CFAP47: variants seen among roughly 807,000 people sequenced by gnomAD.
CFAP47 encodes the protein cilia and flagella associated protein 47, also known as cilia- and flagella-associated protein 47.
A neutral mutation model predicts 148.1 loss-of-function variants in CFAP47; 29 were observed. The observed-to-expected ratio is 0.20, with a 90% CI of 0.15 to 0.27. CFAP47 has a LOEUF of 0.27. CFAP47 is among the 10% of genes least tolerant of loss of function. The pLI, the probability that CFAP47 is intolerant of heterozygous loss-of-function variation, is 1.00. For missense variants in CFAP47, 1,872 were observed against 1,697.5 expected (o/e 1.10, Z -1.81); for synonymous variants, 664 against 577.3 (o/e 1.15, Z -2.15).
chrX:36,235,859 T>C, intron 46 of CFAP47, 75 bp from the exon 47 acceptor site: 1 of 402,752 alleles, frequency 2.5e-6, no homozygotes, highest in Non-Finnish European at 4.4e-6. Context: ...CTATAGAAAT[T>C]ACCAAGAATT....
intron 2 of CFAP47, among the ~76,000 whole-genome samples, chrX:35,932,417 G>A (rs1420779946): frequency 9.4e-6 from 1 of 106,249 alleles, no homozygotes; most frequent in Non-Finnish European, 1.9e-5. Context: ...CCGCCACCAC[G>A]CACTTTTAAT....
chrX:36,323,802 T>C (rs782022681), intron 57 of CFAP47, among the ~76,000 whole-genome samples: 1 of 111,865 alleles, frequency 8.9e-6, no homozygotes, highest in South Asian at 3.7e-4. Flanking sequence ...GATCTAGATG[T>C]AGTTATATGT....
intron 24 of CFAP47, among the ~76,000 whole-genome samples, chrX:36,037,951 T>C (rs1937358105): frequency 8.9e-6 from 1 of 111,735 alleles, no homozygotes; most frequent in Admixed American, 9.5e-5. Context: ...AGTACTCATT[T>C]GTCATTATTA....
intron 42 of CFAP47, among the ~76,000 whole-genome samples, chrX:36,192,482 T>G (rs782731431): frequency 8.9e-6 from 1 of 111,874 alleles, no homozygotes; most frequent in South Asian, 3.8e-4. Flanking sequence ...GTCTGTAGTG[T>G]CTAGCATGTG....
intron 62 of CFAP47, among the ~76,000 whole-genome samples, chrX:36,368,746 A>G (rs1348389919): frequency 9.0e-6 from 1 of 111,729 alleles, no homozygotes; most frequent in Non-Finnish European, 1.9e-5. Context: ...GAGATAAAAT[A>G]TAACCCATAA....
intron 26 of CFAP47, among the ~76,000 whole-genome samples, chrX:36,055,493 ACATGATCTCCTTCCTTTTTG>A (rs980305948): frequency 1.8e-5 from 2 of 111,868 alleles, no homozygotes; most frequent in African/African-American, 6.5e-5. Flanking sequence ...CCTGCAAAGG[ACATGATCTCCTTCCTTTTTG>A]TGGCTGCATA....
intron 39 of CFAP47, among the ~76,000 whole-genome samples, chrX:36,175,809 G>T (rs1036755089): frequency 1.8e-4 from 17 of 92,890 alleles, no homozygotes; most frequent in Admixed American, 4.7e-4. Flanking sequence ...AGGCCTCCTT[G>T]AGCTGTGGTG....
chrX:36,336,983 TTC>T (rs1941611594), intron 57 of CFAP47, among the ~76,000 whole-genome samples: 1 of 112,031 alleles, frequency 8.9e-6, no homozygotes, highest in Non-Finnish European at 1.9e-5. Context: ...AAAATAAACC[TTC>T]TTCCCTATTA....
intron 63 of CFAP47, among the ~76,000 whole-genome samples, chrX:36,384,454 C>G (rs1942108867): frequency 8.9e-6 from 1 of 112,362 alleles, no homozygotes; most frequent in Non-Finnish European, 1.9e-5. Context: ...CACTTAAATT[C>G]TCATGAATGT....
chrX:36,189,205 T>C (rs1555986129), intron 41 of CFAP47, among the ~76,000 whole-genome samples: 1 of 111,304 alleles, frequency 9.0e-6, no homozygotes, highest in Non-Finnish European at 1.9e-5. Context: ...ATAATGGTTA[T>C]CTCTCATACA....
intron 49 of CFAP47, among the ~76,000 whole-genome samples, chrX:36,276,974 T>G (rs1941025006): frequency 9.0e-6 from 1 of 111,452 alleles, no homozygotes; most frequent in Non-Finnish European, 1.9e-5. Context: ...GGAGGAGAAA[T>G]CTTCTAGCAG....
intron 33 of CFAP47, among the ~76,000 whole-genome samples, chrX:36,121,145 T>G: frequency 8.9e-6 from 1 of 111,803 alleles, no homozygotes; most frequent in East Asian, 2.8e-4. Flanking sequence ...GTTTTTGTCT[T>G]GAAATCTATT....
chrX:36,140,709 A>T (rs1315283636), intron 35 of CFAP47, among the ~76,000 whole-genome samples: 1 of 111,970 alleles, frequency 8.9e-6, no homozygotes, highest in Non-Finnish European at 1.9e-5. Context: ...AAATTCAGCA[A>T]TGGACTTAAT....
chrX:36,182,544 CT>C (rs1391462561), intron 40 of CFAP47, among the ~76,000 whole-genome samples: 1 of 111,559 alleles, frequency 9.0e-6, no homozygotes, highest in Non-Finnish European at 1.9e-5. Flanking sequence ...CTTTTAAAAG[CT>C]TTTTATTGTT....
intron 30 of CFAP47, among the ~76,000 whole-genome samples, chrX:36,091,438 CTTAATGGAGACATCATCTCA>C (rs1938183780): frequency 9.0e-6 from 1 of 111,398 alleles, no homozygotes; most frequent in Non-Finnish European, 1.9e-5. Flanking sequence ...AGGATTTCAA[CTTAATGGAGACATCATCTCA>C]TTGCATTTCT....
intron 57 of CFAP47, among the ~76,000 whole-genome samples, chrX:36,333,080 C>T (rs797026869): frequency 1.8e-5 from 2 of 111,769 alleles, no homozygotes; most frequent in South Asian, 7.5e-4. Context: ...TTTCCTACCA[C>T]TATCTATCTT....
At chrX:36,209,830 A>G (rs1456106481) in intron 45 of CFAP47, among the ~76,000 whole-genome samples, 1 of 111,419 alleles carries the variant, frequency 9.0e-6, no homozygotes, top group East Asian at 2.8e-4. Flanking sequence ...AGTCATTAAC[A>G]CAGTCAATTT....
At chrX:36,103,756 G>A (rs73470984) in intron 32 of CFAP47, among the ~76,000 whole-genome samples, 2,856 of 110,239 alleles carry the variant, frequency 0.026, 96 homozygotes, top group African/African-American at 0.09. Flanking sequence ...TGCTCCATTC[G>A]GAAACTCTTG....
chrX:36,063,320 A>G (rs1049366388), intron 26 of CFAP47, among the ~76,000 whole-genome samples: 2 of 111,570 alleles, frequency 1.8e-5, no homozygotes, highest in African/African-American at 3.3e-5. Context: ...TTTTATTAAA[A>G]TATAGGCTAT....
Sources: allele counts gnomAD v4.1 joint callset (sites outside exome capture counted in the v4.1 genomes callset), GRCh38; gene constraint gnomAD v4.1.1; transcripts MANE v1.5; gene names NCBI Gene and HGNC (gene_info 2026-07-23, HGNC 2026-07-21).